CTNNA3: variants seen among roughly 807,000 people sequenced by gnomAD.
The protein encoded by CTNNA3 is catenin alpha-3.
CTNNA3 carries 76 observed loss-of-function variants against 95.7 expected under a neutral mutation model. The ratio of observed to expected loss-of-function variants is 0.79; its 90% confidence interval spans 0.66 to 0.96. CTNNA3 has a LOEUF of 0.96. Ranked by LOEUF, CTNNA3 falls within the 40% of genes least tolerant of loss-of-function variation. The pLI, the probability that CTNNA3 is intolerant of heterozygous loss-of-function variation, is 0.00. For missense variants in CTNNA3, 1,191 were observed against 1,089.8 expected (o/e 1.09, Z -1.31); for synonymous variants, 431 against 374.4 (o/e 1.15, Z -1.74).
At position 67,092,437 on chromosome 10, in the gene CTNNA3, T is replaced by C. The variant is rs149471721; in HGVS notation, c.1047+87880A>G. ...AAAAGAAGACTGTCATTTTCTGTTCTTCAGAGTATTTTGTACTTTAAAAAT... is the reference window on the plus strand; with the variant it reads ...AAAAGAAGACTGTCATTTTCTGTTCCTCAGAGTATTTTGTACTTTAAAAAT... On this transcript the variant is annotated intron_variant, in intron 7 of 17. Transcript: ENST00000433211. Among the ~76,000 whole-genome samples the C allele has an allele frequency of 9.0e-4, 137 of 152,108 alleles. 2 individuals carry two copies. Among genetic ancestry groups the C allele is most frequent in the African/African-American group, 3.2e-3 (133 of 41,556 alleles).
chr10:67,464,796 T>C (rs1285742439), intron 5 of CTNNA3, among the ~76,000 whole-genome samples: 1 of 152,200 alleles, frequency 6.6e-6, no homozygotes, highest in Non-Finnish European at 1.5e-5. Flanking sequence ...TCTGGACTTT[T>C]GTTTTTGTTT....
intron 10 of CTNNA3, among the ~76,000 whole-genome samples, chr10:66,531,556 A>G (rs1055934750): frequency 6.6e-6 from 1 of 152,146 alleles, no homozygotes; most frequent in Non-Finnish European, 1.5e-5. Context: ...TTGCTTCTAT[A>G]AAGATAATTT....
chr10:66,326,360 G>A (rs539405209), intron 12 of CTNNA3, among the ~76,000 whole-genome samples: 11 of 152,068 alleles, frequency 7.2e-5, no homozygotes, highest in Admixed American at 5.2e-4. Context: ...GATGCTACTC[G>A]ACATTTGGCA....
chr10:66,247,419 T>A (rs1299265228), intron 13 of CTNNA3, among the ~76,000 whole-genome samples: 1 of 152,132 alleles, frequency 6.6e-6, no homozygotes, highest in East Asian at 1.9e-4. Context: ...TTCTATAGGA[T>A]TAGAAAGTTA....
At chr10:67,718,551 T>A (rs889350268) in intron 1 of CTNNA3, among the ~76,000 whole-genome samples, 1 of 152,210 alleles carries the variant, frequency 6.6e-6, no homozygotes, top group African/African-American at 2.4e-5. Flanking sequence ...CTTTTCTGCA[T>A]CTGTTGAGAT....
chr10:67,056,541 G>A (rs1408701589), intron 7 of CTNNA3, among the ~76,000 whole-genome samples: 1 of 152,086 alleles, frequency 6.6e-6, no homozygotes, highest in Non-Finnish European at 1.5e-5. Flanking sequence ...TACTTCTTAA[G>A]CATCAAAGGA....
intron 11 of CTNNA3, among the ~76,000 whole-genome samples, chr10:66,502,259 G>A (rs1232928207): frequency 6.6e-6 from 1 of 152,094 alleles, no homozygotes; most frequent in Non-Finnish European, 1.5e-5. Flanking sequence ...TGAGTTTCAG[G>A]TACTGATATG....
intron 9 of CTNNA3, among the ~76,000 whole-genome samples, chr10:66,662,105 A>T (rs1333195115): frequency 6.6e-6 from 1 of 152,180 alleles, no homozygotes; most frequent in East Asian, 1.9e-4. Context: ...ATGCTTAAAA[A>T]CGAATTGTTG....
intron 11 of CTNNA3, among the ~76,000 whole-genome samples, chr10:66,424,306 C>A (rs1016686674): frequency 6.6e-6 from 1 of 151,916 alleles, no homozygotes. Context: ...AATTTCTTCA[C>A]AACTTTTTAT....
At chr10:65,972,862 GAA>G (rs1034580171) in intron 16 of CTNNA3, among the ~76,000 whole-genome samples, 1 of 143,618 alleles carries the variant, frequency 7.0e-6, no homozygotes, top group Non-Finnish European at 1.5e-5. Flanking sequence ...AAATTCATAT[GAA>G]ACCAAGAAAT....
At chr10:67,610,618 G>A (rs55960643) in intron 2 of CTNNA3, among the ~76,000 whole-genome samples, 168 of 152,296 alleles carry the variant, frequency 1.1e-3, no homozygotes, top group African/African-American at 3.8e-3. Flanking sequence ...GCGGAGGATA[G>A]GAGGGCGCTA....
intron 7 of CTNNA3, among the ~76,000 whole-genome samples, chr10:67,042,968 T>C (rs1490187563): frequency 1.3e-5 from 2 of 152,090 alleles, no homozygotes; most frequent in Non-Finnish European, 2.9e-5. Context: ...ACTGAGCAGC[T>C]AGGTCTCCAT....
At chr10:66,905,121 C>G (rs377198539) in intron 7 of CTNNA3, among the ~76,000 whole-genome samples, 33 of 152,276 alleles carry the variant, frequency 2.2e-4, no homozygotes, top group African/African-American at 7.0e-4. Flanking sequence ...GGAACCAACC[C>G]AAATGTCCAT....
intron 12 of CTNNA3, among the ~76,000 whole-genome samples, chr10:66,336,131 C>A (rs1183130572): frequency 6.6e-6 from 1 of 152,094 alleles, no homozygotes; most frequent in South Asian, 2.1e-4. Context: ...CCGTCTGTCA[C>A]CCCTTTCTTT....
chr10:67,420,589 G>T (rs1285761482), intron 5 of CTNNA3, among the ~76,000 whole-genome samples: 3 of 152,088 alleles, frequency 2.0e-5, no homozygotes, highest in African/African-American at 4.8e-5. Flanking sequence ...CACACTTACG[G>T]TGTTTCCTGG....
chr10:67,020,516 A>T (rs7081061), intron 7 of CTNNA3, among the ~76,000 whole-genome samples: 17,407 of 152,196 alleles, frequency 0.11, 1,239 homozygotes, highest in South Asian at 0.28. Flanking sequence ...TATAAGTTTC[A>T]CAATAGTCTT....
intron 7 of CTNNA3, among the ~76,000 whole-genome samples, chr10:67,115,872 T>C (rs1170291281): frequency 6.6e-6 from 1 of 151,830 alleles, no homozygotes; most frequent in African/African-American, 2.4e-5. Flanking sequence ...GGCCAAATAT[T>C]TAAATAGACA....
chr10:67,354,315 T>G (rs1379608300), intron 5 of CTNNA3, among the ~76,000 whole-genome samples: 1 of 151,962 alleles, frequency 6.6e-6, no homozygotes, highest in East Asian at 1.9e-4. Context: ...TAAGAAAAAT[T>G]TATTGCTGAG....
intron 7 of CTNNA3, among the ~76,000 whole-genome samples, chr10:66,790,365 C>T (rs1840922426): frequency 6.6e-6 from 1 of 152,078 alleles, no homozygotes; most frequent in African/African-American, 2.4e-5. Context: ...AGGAGAATCG[C>T]TTGAGGCAGA....
Sources: allele counts gnomAD v4.1 joint callset (sites outside exome capture counted in the v4.1 genomes callset), GRCh38; gene constraint gnomAD v4.1.1; transcripts MANE v1.5; gene names NCBI Gene and HGNC (gene_info 2026-07-23, HGNC 2026-07-21).